Variants in NBEAL1 observed in about 807,000 individuals in gnomAD.
NBEAL1 encodes neurobeachin-like protein 1.
In NBEAL1, 273 loss-of-function variants were observed where a neutral mutation model predicts 351.3. The ratio of observed to expected loss-of-function variants is 0.78; its 90% CI spans 0.70 to 0.86. The LOEUF is 0.86. NBEAL1 is among the 40% of genes least tolerant of loss of function. The probability of loss-of-function intolerance (pLI) is 0.00; values close to 1 mark genes in which losing one functional copy is unlikely to be tolerated. For missense variants in NBEAL1, 2,961 were observed against 3,201.3 expected (o/e 0.92, Z 1.81); for synonymous variants, 1,050 against 1,086.4 (o/e 0.97, Z 0.66).
intron 10 of NBEAL1, among the ~76,000 whole-genome samples, chr2:203,089,598 A>G (rs946179972): frequency 1.3e-5 from 2 of 152,170 alleles, no homozygotes; most frequent in Admixed American, 1.3e-4. Flanking sequence ...GGCGGGTAGC[A>G]TTTAAGAGAC....
chr2:203,111,329 A>G (rs1287362112), intron 15 of NBEAL1, among the ~76,000 whole-genome samples: 1 of 152,160 alleles, frequency 6.6e-6, no homozygotes, highest in Non-Finnish European at 1.5e-5. Context: ...GTTTTTTAAA[A>G]CAATGATAAA....
At chr2:203,046,508 C>T (rs558238526) in intron 3 of NBEAL1, among the ~76,000 whole-genome samples, 2 of 152,088 alleles carry the variant, frequency 1.3e-5, no homozygotes, top group African/African-American at 2.4e-5. Context: ...CATGAGCCAC[C>T]GCACCCGGCC....
At position 203,138,768 on chromosome 2, in the gene NBEAL1, T is replaced by A. The variant is rs760544705; in HGVS notation, c.4848+20T>A. ...TTGCAGGTTTGTCCATTCTTTTATATTATTTTCTGTGCTTGCATGCAGCAT... is the reference window on the plus strand; with the variant it reads ...TTGCAGGTTTGTCCATTCTTTTATAATATTTTCTGTGCTTGCATGCAGCAT... On this transcript the variant is annotated intron_variant, in intron 31 of 55. Coordinates refer to ENST00000683969, the MANE Select transcript of NBEAL1 (RefSeq NM_001378026.1). 3.8e-6 allele frequency: 6 copies of A among 1,597,536 alleles called. No individual in the cohort carries two copies. Among genetic ancestry groups the A allele is most frequent in the Non-Finnish European group, 3.4e-6 (4 of 1,175,248 alleles).
At chr2:203,135,017 A>G (rs1165343410) in intron 27 of NBEAL1, among the ~76,000 whole-genome samples, 1 of 152,066 alleles carries the variant, frequency 6.6e-6, no homozygotes, top group African/African-American at 2.4e-5. Context: ...CTGTACTAAA[A>G]ATACAAAAAT....
rs772590386 is a variant in NBEAL1 at position 203,077,829 on chromosome 2, G to T, written c.676G>T (p.Gly226Cys). 2 of 1,441,562 alleles carry T rather than the reference G, an allele frequency of 1.4e-6. No homozygotes were observed. Among genetic ancestry groups the T allele is most frequent in the South Asian group, 3.4e-5 (2 of 59,404 alleles). The allele number at this position is 1,441,562 out of a possible 1,614,324, so 89.3% of individuals were successfully genotyped here. The change falls in exon 8 of 56, where the codon GGT becomes TGT. Residue 226 changes from glycine (G) to cysteine (C), a missense_variant. Gly to Cys is a radical substitution (Grantham distance 159, BLOSUM62 -3). Transcript: ENST00000683969. ...GCATCTCTTTGGAGCCATTGTAGCC[G>T]GTGGGCAGGTAAGGAAAGTGTTGAA... is the stretch of plus-strand genomic sequence containing the variant. ...LLHLFGAIVA[G>C]GQRNALQAIS...
chr2:203,207,017 C>T (rs1008647170), intron 51 of NBEAL1, among the ~76,000 whole-genome samples: 4 of 151,718 alleles, frequency 2.6e-5, no homozygotes. Context: ...AAGTGAGGAG[C>T]GTCTCTGTCC....
At position 203,037,963 on chromosome 2, in the gene NBEAL1, A is replaced by G. The variant is rs1040884511; in HGVS notation, c.52-3802A>G. Among the ~76,000 whole-genome samples, 16 of 149,178 alleles carry G rather than the reference A, an allele frequency of 1.1e-4. 3 individuals are homozygous for G. Among genetic ancestry groups the G allele is most frequent in the Non-Finnish European group, 2.4e-4 (16 of 66,516 alleles). ...GAGTGAGAACCTGTCTCATAAATAAATAAATACACAAATAAATACATGAAT... is the reference window on the plus strand; with the variant it reads ...GAGTGAGAACCTGTCTCATAAATAAGTAAATACACAAATAAATACATGAAT... On this transcript the variant is annotated intron_variant, in intron 2 of 55. Coordinates refer to ENST00000683969, the MANE Select transcript of NBEAL1 (RefSeq NM_001378026.1).
intron 31 of NBEAL1, among the ~76,000 whole-genome samples, chr2:203,143,160 C>A (rs564098030): frequency 1.3e-5 from 2 of 152,288 alleles, no homozygotes; most frequent in Admixed American, 6.5e-5. Context: ...CACAATATGT[C>A]ATTTTTCCTG....
rs1167286594 is a variant in NBEAL1 at position 203,125,966 on chromosome 2, G to A, written c.2858G>A (p.Arg953Lys). ...TATGTTCCTGATTCTACAGAGTCAA[G>A]ACTAGAGAGAAACCTAGTTGCAACA... is the stretch of plus-strand genomic sequence containing the variant. ...VWTSTKASESRLERNLVATFI... is the reference protein window; with the variant it reads ...VWTSTKASESKLERNLVATFI... The change falls in exon 21 of 56, where the codon AGA (arginine) becomes AAA (lysine). Residue 953 changes from arginine to lysine, a missense_variant. Arg to Lys is a conservative substitution (Grantham distance 26). Coordinates refer to ENST00000683969, the MANE Select transcript of NBEAL1 (RefSeq NM_001378026.1). 1.3e-5 allele frequency: 20 copies of A among 1,531,118 alleles called. No individual in the cohort carries two copies. The highest frequency in any genetic ancestry group is 1.8e-5 in the Non-Finnish European group (20 of 1,138,932). 94.8% of individuals were successfully genotyped at this position (1,531,118 alleles called of 1,614,324 possible).
intron 35 of NBEAL1, among the ~76,000 whole-genome samples, chr2:203,156,366 C>G (rs1276779452): frequency 6.6e-6 from 1 of 152,204 alleles, no homozygotes; most frequent in African/African-American, 2.4e-5. Flanking sequence ...TGCTGCAGTC[C>G]ATCCTTCATT....
At position 203,125,423 on chromosome 2, in the gene NBEAL1, A is replaced by G; in HGVS notation, c.2754A>G (p.Glu918=). Residue 918 remains glutamate, a synonymous_variant, in exon 20 of 56, where the codon GAA becomes GAG. Transcript: ENST00000683969. ...TGGAACAAATCAGCCACTTTAGTGA[A>G]GGACAGATTCCTGAAGAAAAGAATG... ...PLLEQISHFS[E]GQIPEEKNES... 1 of 1,548,382 alleles carries G rather than the reference A, an allele frequency of 6.5e-7. No homozygotes were observed. The highest frequency in any genetic ancestry group is 1.2e-5 in the South Asian group (1 of 82,882).
chr2:203,078,522 G>A (rs2061817347), intron 8 of NBEAL1, among the ~76,000 whole-genome samples: 2 of 152,010 alleles, frequency 1.3e-5, no homozygotes, highest in South Asian at 2.1e-4. Flanking sequence ...TGTATTTTTA[G>A]CAAACATGAG....
At chr2:203,093,257 A>T (rs953769581) in intron 10 of NBEAL1, among the ~76,000 whole-genome samples, 1 of 131,822 alleles carries the variant, frequency 7.6e-6, no homozygotes, top group African/African-American at 2.9e-5. Context: ...AAAAAAAAAA[A>T]AGAATCTGCT....
chr2:203,016,273 C>A lies in NBEAL1; in HGVS notation c.-112C>A. Reference sequence around the variant, plus strand: ...GTTTCACTTCTTTTTGCTTTCTTTACTGCTATGAGCTTTACTGAACGGCTG... The same window carrying A: ...GTTTCACTTCTTTTTGCTTTCTTTAATGCTATGAGCTTTACTGAACGGCTG... On this transcript the variant is annotated 5_prime_UTR_variant, in exon 2 of 56. The change creates a new upstream start codon in the 5' untranslated region. Coordinates refer to ENST00000683969, the MANE Select transcript of NBEAL1 (RefSeq NM_001378026.1). The A allele has an allele frequency of 3.1e-6, 2 of 644,554 alleles. No individual in the cohort carries two copies. Among genetic ancestry groups the A allele is most frequent in the Non-Finnish European group, 2.4e-6 (1 of 411,838 alleles). The allele number at this position is 644,554 out of a possible 1,614,324, so 39.9% of individuals were successfully genotyped here.
chr2:203,133,080 TCTA>T lies in NBEAL1; in HGVS notation c.3751_3753del (p.Leu1251del). 6.7e-7 allele frequency: 1 copy of T among 1,499,516 alleles called. No homozygotes were observed. Among genetic ancestry groups the T allele is most frequent in the Non-Finnish European group, 9.0e-7 (1 of 1,110,340 alleles). The allele number at this position is 1,499,516 out of a possible 1,614,324, so 92.9% of individuals were successfully genotyped here. A position where few individuals can be genotyped will look rare whatever the true frequency, so the allele number is the denominator to read the frequency against. On this transcript the variant is annotated inframe_deletion, in exon 27 of 56. Coordinates refer to ENST00000683969, the MANE Select transcript of NBEAL1 (RefSeq NM_001378026.1). The stretch of plus-strand genomic sequence containing the variant: ...TAGATCCTGTTATTAATTTCAAAGA[TCTA>T]CTATCTGTGGTATATATATCTCACA...
At chr2:203,027,320 C>T (rs372975052) in intron 2 of NBEAL1, among the ~76,000 whole-genome samples, 10 of 152,216 alleles carry the variant, frequency 6.6e-5, no homozygotes, top group Admixed American at 5.2e-4. Context: ...TTTATACAGA[C>T]CCTGCTGTCT....
intron 6 of NBEAL1, among the ~76,000 whole-genome samples, chr2:203,067,513 A>C (rs1474300652): frequency 6.6e-6 from 1 of 152,198 alleles, no homozygotes; most frequent in Non-Finnish European, 1.5e-5. Flanking sequence ...GTTTGAAATA[A>C]TTATAAGGAA....
rs1204936580 is a variant in NBEAL1, at chr2:203,062,244, G to A, written c.515+4791G>A. On this transcript the variant is annotated intron_variant, in intron 6 of 55. Transcript: ENST00000683969. This position sits in a 1 kb window ranked among gnomAD's most constrained non-coding sequence, Gnocchi z 4.2. ...TTCTCCCATATTTTCTGACTTGATC[G>A]TCAACATTCTGGTCTTCCCATTTGT... 1.7e-5 allele frequency: 8 copies of A among 457,908 alleles called. No homozygotes were observed. The highest frequency in any genetic ancestry group is 9.4e-5 in the Admixed American group (4 of 42,566). 28.4% of individuals were successfully genotyped at this position (457,908 alleles called of 1,614,324 possible).
chr2:203,209,745 G>GTGTGTGTA (rs1354189779), intron 53 of NBEAL1, among the ~76,000 whole-genome samples: 3 of 151,104 alleles, frequency 2.0e-5, no homozygotes, highest in Non-Finnish European at 3.0e-5. Context: ...GTGTGTGTGT[G>GTGTGTGTA]TATTTTTTTC....
Sources: allele counts gnomAD v4.1 joint callset (sites outside exome capture counted in the v4.1 genomes callset), GRCh38; gene constraint gnomAD v4.1.1; non-coding constraint Gnocchi (gnomAD v3.1); transcripts MANE v1.5; gene names NCBI Gene and HGNC (gene_info 2026-07-23, HGNC 2026-07-21).